The following STAP1 variants were observed in gnomAD, a reference collection of about 807,000 sequenced individuals.
STAP1 encodes the protein signal-transducing adaptor protein 1.
A neutral mutation model predicts 37.8 loss-of-function variants in STAP1; 30 were observed. The ratio of observed to expected loss-of-function variants is 0.79; its 90% CI spans 0.59 to 1.08. STAP1 has a LOEUF of 1.08. STAP1 is among the 50% of genes least tolerant of loss of function. The pLI is 0.00. For missense variants in STAP1, 357 were observed against 349.4 expected, an observed-to-expected ratio of 1.02 and a Z score of -0.17; for synonymous variants, 130 against 116.0, an observed-to-expected ratio of 1.12 and a Z score of -0.78.
At chr4:67,571,845 A>T (rs998082282) in intron 2 of STAP1, among the ~76,000 whole-genome samples, 1 of 152,238 alleles carries the variant, frequency 6.6e-6, no homozygotes, top group Non-Finnish European at 1.5e-5. Flanking sequence ...GAACATCATT[A>T]TTAGAAGCCA....
At chr4:67,569,678 G>A (rs962197079) in intron 1 of STAP1, among the ~76,000 whole-genome samples, 3 of 151,486 alleles carry the variant, frequency 2.0e-5, no homozygotes, top group African/African-American at 4.9e-5. Context: ...CTAGGCCTAC[G>A]CAGGGTCAAG....
rs777877860 is a variant in STAP1, at chr4:67,577,275, C to T, written c.363+16C>T. On this transcript the variant is annotated intron_variant, in intron 4 of 8. Transcript: ENST00000265404. ...AGTAACAGAGGTAGGAAGCTCACTG[C>T]TTTTGATTGATTCTTTTTTTTTTTC... 1.2e-5 allele frequency: 19 copies of T among 1,587,410 alleles called. No individual in the cohort carries two copies. In the East Asian group the frequency reaches 4.3e-4, roughly 36 times the overall value.
chr4:67,592,294 C>T (rs1006333574), intron 7 of STAP1, among the ~76,000 whole-genome samples: 1 of 152,044 alleles, frequency 6.6e-6, no homozygotes, highest in African/African-American at 2.4e-5. Flanking sequence ...GCGCCTGGCT[C>T]AGGAATTCTT....
chr4:67,575,456 G>T lies in STAP1; in HGVS notation c.264G>T (p.Ala88=). ...TEQNSTEKNC[A]KFTLVLPKEE... The stretch of plus-strand genomic sequence containing the variant: ...AGAATTCAACTGAAAAGAACTGTGC[G>T]AAATTCACCCTTGTTTTGCCGAAAG... Residue 88 remains alanine (A), a synonymous_variant, in exon 3 of 9, where the codon GCG becomes GCT. Transcript: ENST00000265404. 1 of 1,610,332 alleles carries T rather than the reference G, an allele frequency of 6.2e-7. No individual in the cohort carries two copies. The highest frequency in any genetic ancestry group is 8.5e-7 in the Non-Finnish European group (1 of 1,178,748).
At position 67,558,790 on chromosome 4, in the gene STAP1, C is replaced by T; in HGVS notation, c.-20C>T. The T allele has an allele frequency of 3.8e-6, 6 of 1,598,750 alleles. No individual in the cohort carries two copies. Among genetic ancestry groups the T allele is most frequent in the Non-Finnish European group, 5.1e-6 (6 of 1,175,064 alleles). On this transcript the variant is annotated 5_prime_UTR_variant, in exon 1 of 9. Coordinates refer to ENST00000265404, the MANE Select transcript of STAP1 (RefSeq NM_012108.4). ...TTTTGTTTGAGACGAGAAACCAAAC[C>T]ACACACCAAAGAGAGGGGTATGATG...
At chr4:67,559,342 C>A (rs192972451) in intron 1 of STAP1, among the ~76,000 whole-genome samples, 160 of 152,166 alleles carry the variant, frequency 1.1e-3, no homozygotes, top group African/African-American at 3.5e-3. Flanking sequence ...AAACCTGCTC[C>A]TGTTCTGAGT....
At chr4:67,574,943 T>C (rs973782559) in intron 2 of STAP1, among the ~76,000 whole-genome samples, 2 of 152,084 alleles carry the variant, frequency 1.3e-5, no homozygotes, top group Non-Finnish European at 2.9e-5. Flanking sequence ...GAGCATGTAG[T>C]TGGGAAGAAA....
chr4:67,600,741 A>G (rs182636031), intron 8 of STAP1, among the ~76,000 whole-genome samples: 101 of 152,232 alleles, frequency 6.6e-4, no homozygotes, highest in Non-Finnish European at 1.2e-3. Context: ...TCATTATATA[A>G]TGACCTTTCT....
chr4:67,580,421 T>C (rs958207378), intron 4 of STAP1, among the ~76,000 whole-genome samples: 2 of 152,306 alleles, frequency 1.3e-5, no homozygotes, highest in African/African-American at 2.4e-5. Context: ...TTAAAACATA[T>C]ATAATAATAG....
At chr4:67,560,646 G>GTGTGTA in intron 1 of STAP1, among the ~76,000 whole-genome samples, 1 of 151,362 alleles carries the variant, frequency 6.6e-6, no homozygotes, top group Non-Finnish European at 1.5e-5. Flanking sequence ...GTGTGTGGGT[G>GTGTGTA]TGTGTCTGTG....
intron 6 of STAP1, among the ~76,000 whole-genome samples, chr4:67,585,230 A>G (rs1727954497): frequency 6.6e-6 from 1 of 152,214 alleles, no homozygotes; most frequent in South Asian, 2.1e-4. Context: ...TGGGGATAAT[A>G]TTATTTTATT....
At chr4:67,566,321 A>G (rs1727470359) in intron 1 of STAP1, among the ~76,000 whole-genome samples, 1 of 152,182 alleles carries the variant, frequency 6.6e-6, no homozygotes, top group South Asian at 2.1e-4. Context: ...GAAACCAGCC[A>G]GACACAGAAA....
At chr4:67,603,278 G>A (rs1728383193) in intron 8 of STAP1, among the ~76,000 whole-genome samples, 1 of 151,750 alleles carries the variant, frequency 6.6e-6, no homozygotes, top group African/African-American at 2.4e-5. Context: ...AGGGTAAGGG[G>A]CGCCCCTCTG....
chr4:67,570,911 C>CA (rs1483434713), intron 1 of STAP1, among the ~76,000 whole-genome samples, 173 bp from the exon 2 acceptor site: 2 of 151,306 alleles, frequency 1.3e-5, no homozygotes, highest in East Asian at 1.9e-4. Flanking sequence ...GAACCTATCT[C>CA]AAAAAATGAA....
Position 67,577,995 on chromosome 4 carries a change from C to A in STAP1, c.363+736C>A, listed in dbSNP as rs553725937. On this transcript the variant is annotated intron_variant, in intron 4 of 8. Transcript: ENST00000265404. ...TTAATACATATTTATAGAATACTAGCCAAGATGAATTTTATAAATAACATA... is the reference window on the plus strand; with the variant it reads ...TTAATACATATTTATAGAATACTAGACAAGATGAATTTTATAAATAACATA... 3.3e-5 allele frequency among the ~76,000 whole-genome samples: 5 copies of A among 152,108 alleles called. No individual in the cohort carries two copies. The East Asian group carries it at 9.7e-4, about 29-fold the overall frequency.
chr4:67,558,817 C>T lies in STAP1; in HGVS notation c.8C>T (p.Ala3Val), dbSNP rs983534317. MM[A>V]KKPPKPAPRR... ...CACACCAAAGAGAGGGGTATGATGG[C>T]TAAGAAGCCCCCAAAACCAGCCCCT... is the stretch of plus-strand genomic sequence containing the variant. Residue 3 changes from alanine to valine, a missense_variant, in exon 1 of 9, where the codon GCT becomes GTT. Coordinates refer to ENST00000265404, the MANE Select transcript of STAP1 (RefSeq NM_012108.4). 2 of 1,613,002 alleles carry T rather than the reference C, an allele frequency of 1.2e-6. No homozygotes were observed. Among genetic ancestry groups the T allele is most frequent in the African/African-American group, 1.3e-5 (1 of 74,936 alleles).
At chr4:67,575,594 C>G in intron 3 of STAP1, 96 bp downstream of exon 3, 1 of 875,176 alleles carries the variant, frequency 1.1e-6, no homozygotes, top group South Asian at 1.6e-5. Flanking sequence ...GTAAGACAGG[C>G]TAAGTCTTAC....
chr4:67,588,952 C>T (rs761762299), intron 6 of STAP1, among the ~76,000 whole-genome samples: 1 of 152,152 alleles, frequency 6.6e-6, no homozygotes. Flanking sequence ...GTGCCAGACA[C>T]TGTACTAAGG....
At chr4:67,578,384 C>A (rs13131164) in intron 4 of STAP1, among the ~76,000 whole-genome samples, 16,836 of 152,232 alleles carry the variant, frequency 0.11, 1,215 homozygotes, top group South Asian at 0.16. Context: ...ATAAGCACTG[C>A]ACTTTACCAA....
Sources: gnomAD v4.1 joint callset for allele counts (sites outside exome capture counted in the v4.1 genomes callset) on GRCh38, gnomAD v4.1.1 for gene constraint, MANE v1.5 for transcripts, NCBI Gene and HGNC (gene_info 2026-07-23, HGNC 2026-07-21) for gene names.